STX16: variants seen among roughly 807,000 people sequenced by gnomAD.
STX16 encodes syntaxin 16.
In STX16, 28 loss-of-function variants were observed where a neutral mutation model predicts 42.7. That is an observed-to-expected ratio of 0.66 (90% CI 0.49 to 0.90). The LOEUF is 0.90. Among genes scored for constraint, STX16 ranks in the 40% least tolerant of loss-of-function variants. STX16 has a pLI of 0.00. For missense variants in STX16, 361 were observed against 420.9 expected (o/e 0.86, Z 1.24); for synonymous variants, 156 against 155.2 (o/e 1.00, Z -0.04).
rs750014263 is a variant in STX16, at chr20:58,678,278, A to G, written c.*1987A>G. 2.0e-5 allele frequency: 3 copies of G among 151,908 alleles called. No individual in the cohort carries two copies. Among genetic ancestry groups the G allele is most frequent in the Non-Finnish European group, 4.4e-5 (3 of 67,984 alleles). 9.4% of individuals were successfully genotyped at this position (151,908 alleles called of 1,614,324 possible). A position where few individuals can be genotyped will look rare whatever the true frequency, so the allele number is the denominator to read the frequency against. On this transcript the variant is annotated 3_prime_UTR_variant, in exon 9 of 9. Coordinates refer to ENST00000371141, the MANE Select transcript of STX16 (RefSeq NM_001001433.3). ...GAGAGGATCATCTTTTTTTATATTT[A>G]TTTTCACCAAATAGGGTGATGAGGG...
rs1312246423 is a variant in STX16 at position 58,679,330 on chromosome 20, TA to T, written c.*3043del. 1.3e-5 allele frequency: 2 copies of T among 152,688 alleles called. No individual in the cohort carries two copies. Among genetic ancestry groups the T allele is most frequent in the Admixed American group, 6.5e-5 (1 of 15,292 alleles). The allele number at this position is 152,688 out of a possible 1,614,324, so 9.5% of individuals were successfully genotyped here. The stretch of plus-strand genomic sequence containing the variant: ...CTAGCTAATGGCTTCTTAAAGGTAA[TA>T]AAACCCTTCCAACGTAATTGGTCAG... On this transcript the variant is annotated 3_prime_UTR_variant, in exon 9 of 9. Transcript: ENST00000371141.
At chr20:58,655,027 T>TA (rs1359292992) in intron 1 of STX16, among the ~76,000 whole-genome samples, 2 of 152,194 alleles carry the variant, frequency 1.3e-5, no homozygotes, top group African/African-American at 4.8e-5. Context: ...AATTTGTAAA[T>TA]ACATGTCTAA....
chr20:58,666,837 A>G (rs1452432076), intron 2 of STX16, among the ~76,000 whole-genome samples: 3 of 152,242 alleles, frequency 2.0e-5, no homozygotes, highest in African/African-American at 4.8e-5. Flanking sequence ...CCCTGTGGAC[A>G]TTTAACTGAA....
At position 58,678,977 on chromosome 20, in the gene STX16, GC is replaced by G; in HGVS notation, c.*2687del. 6.6e-6 allele frequency: 1 copy of G among 152,370 alleles called. No individual in the cohort carries two copies. The highest frequency in any genetic ancestry group is 1.9e-4 in the East Asian group (1 of 5,182). The allele number at this position is 152,370 out of a possible 1,614,324, so 9.4% of individuals were successfully genotyped here. On this transcript the variant is annotated 3_prime_UTR_variant, in exon 9 of 9. Coordinates refer to ENST00000371141, the MANE Select transcript of STX16 (RefSeq NM_001001433.3). Reference sequence around the variant, plus strand: ...GCCCTCTGAGAGGAGGCCTAGCAGGGCAGGCTCCCTCTGGGCATCCCTGGAT... The same window carrying G: ...GCCCTCTGAGAGGAGGCCTAGCAGGGAGGCTCCCTCTGGGCATCCCTGGAT...
At chr20:58,665,454 G>A (rs1221559500) in intron 2 of STX16, among the ~76,000 whole-genome samples, 1 of 152,150 alleles carries the variant, frequency 6.6e-6, no homozygotes, top group African/African-American at 2.4e-5. Context: ...GGTTTCTGGA[G>A]TCAGCCGACC....
intron 8 of STX16, 78 bp downstream of exon 8, chr20:58,673,789 A>G: frequency 9.6e-7 from 1 of 1,037,882 alleles, no homozygotes; most frequent in Non-Finnish European, 1.5e-6. Flanking sequence ...GTTCTTTTCC[A>G]CCATAACGAT....
chr20:58,651,966 G>T lies in STX16; in HGVS notation c.-41G>T. 1.2e-6 allele frequency: 2 copies of T among 1,606,780 alleles called. No homozygotes were observed. The highest frequency in any genetic ancestry group is 1.7e-6 in the Non-Finnish European group (2 of 1,173,790). On this transcript the variant is annotated 5_prime_UTR_variant, in exon 1 of 9. Transcript: ENST00000371141. Reference sequence around the variant, plus strand: ...AAGTGAATAAATCAGGAATATAAGTGGGCGGGGGGCCCCTGAGAGGGGGGT... The same window carrying T: ...AAGTGAATAAATCAGGAATATAAGTTGGCGGGGGGCCCCTGAGAGGGGGGT...
At position 58,660,786 on chromosome 20, in the gene STX16, C is replaced by G. The variant is rs182957442; in HGVS notation, c.144+1152C>G. On this transcript the variant is annotated intron_variant, in intron 2 of 8. Transcript: ENST00000371141. ...ATGCTTGTGTGTGCTTAAAAAATTCCTGAAAAGATACACAAGAAACTGTTA... is the reference window on the plus strand; with the variant it reads ...ATGCTTGTGTGTGCTTAAAAAATTCGTGAAAAGATACACAAGAAACTGTTA... Among the ~76,000 whole-genome samples the G allele has an allele frequency of 1.9e-3, 257 of 134,830 alleles. 1 individual carries two copies. The highest frequency in any genetic ancestry group is 6.9e-3 in the African/African-American group (252 of 36,494). The allele number at this position is 134,830 out of a possible 152,430, so 88.5% of individuals were successfully genotyped here. A position where few individuals can be genotyped will look rare whatever the true frequency, so the allele number is the denominator to read the frequency against.
intron 7 of STX16, among the ~76,000 whole-genome samples, chr20:58,672,510 C>A (rs1291764808): frequency 6.6e-6 from 1 of 151,890 alleles, no homozygotes; most frequent in Non-Finnish European, 1.5e-5. Flanking sequence ...AAAAAAAAAT[C>A]CCAAATCCAA....
rs1263137988 is a variant in STX16, at chr20:58,677,954, T to C, written c.*1663T>C. 1 of 152,206 alleles carries C rather than the reference T, an allele frequency of 6.6e-6. No homozygotes were observed. The highest frequency in any genetic ancestry group is 1.9e-4 in the East Asian group (1 of 5,200). 9.4% of individuals were successfully genotyped at this position (152,206 alleles called of 1,614,324 possible). ...GCATTTCAGGAAGCGGACCTGGTATTCCCTGACAAACATTGCTTAGGAAAG... is the reference window on the plus strand; with the variant it reads ...GCATTTCAGGAAGCGGACCTGGTATCCCCTGACAAACATTGCTTAGGAAAG... On this transcript the variant is annotated 3_prime_UTR_variant, in exon 9 of 9. Coordinates refer to ENST00000371141, the MANE Select transcript of STX16 (RefSeq NM_001001433.3).
intron 2 of STX16, among the ~76,000 whole-genome samples, chr20:58,666,492 G>A (rs753469269): frequency 3.5e-5 from 5 of 143,604 alleles, no homozygotes; most frequent in South Asian, 2.2e-4. Context: ...GCAATGGTAC[G>A]ATCATGGCTC....
At chr20:58,668,292 C>T (rs1228296160) in intron 4 of STX16, among the ~76,000 whole-genome samples, 165 bp downstream of exon 4, 1 of 152,188 alleles carries the variant, frequency 6.6e-6, no homozygotes, top group Non-Finnish European at 1.5e-5. Flanking sequence ...GCGTAGGTAC[C>T]TGTGAGGCCT....
chr20:58,660,972 C>G (rs1322029583), intron 2 of STX16, among the ~76,000 whole-genome samples: 1 of 151,620 alleles, frequency 6.6e-6, no homozygotes, highest in African/African-American at 2.4e-5. Context: ...GGGTAGCTGA[C>G]TGAGCCAGGT....
At chr20:58,668,640 G>A (rs373593248) in intron 4 of STX16, among the ~76,000 whole-genome samples, 4 of 151,682 alleles carry the variant, frequency 2.6e-5, no homozygotes, top group Non-Finnish European at 5.9e-5. Context: ...GCCCTGGGGG[G>A]TTGGAATGTT....
At chr20:58,665,225 C>G (rs1222483325) in intron 2 of STX16, among the ~76,000 whole-genome samples, 2 of 152,238 alleles carry the variant, frequency 1.3e-5, no homozygotes, top group Non-Finnish European at 2.9e-5. Context: ...CTGCGCCTCT[C>G]TGTCCACGGA....
chr20:58,652,475 G>A (rs2083490652), intron 1 of STX16, among the ~76,000 whole-genome samples: 1 of 148,854 alleles, frequency 6.7e-6, no homozygotes, highest in Admixed American at 6.9e-5. Flanking sequence ...CCTTTCTGAA[G>A]CCTTTTTGTT....
At position 58,676,387 on chromosome 20, in the gene STX16, C is replaced by G. The variant is rs576804719; in HGVS notation, c.*96C>G. ...CCAGCTGCCCGCAGAGGTGCAGCCT[C>G]GAGGAATCTGAGGGCGTCGGGGCAG... On this transcript the variant is annotated 3_prime_UTR_variant, in exon 9 of 9. Transcript: ENST00000371141. 8.9e-7 allele frequency: 1 copy of G among 1,129,560 alleles called. No individual in the cohort carries two copies. Among genetic ancestry groups the G allele is most frequent in the East Asian group, 2.4e-5 (1 of 42,306 alleles). 70.0% of individuals were successfully genotyped at this position (1,129,560 alleles called of 1,614,324 possible). A position where few individuals can be genotyped will look rare whatever the true frequency, so the allele number is the denominator to read the frequency against.
In STX16 at chr20:58,657,803, G is replaced by T. The variant is rs1030234964; in HGVS notation, c.133-1820G>T. On this transcript the variant is annotated intron_variant, in intron 1 of 8. Coordinates refer to ENST00000371141, the MANE Select transcript of STX16 (RefSeq NM_001001433.3). This position sits in a 1 kb window ranked among gnomAD's most constrained non-coding sequence, Gnocchi z 4.2. ...TTTAAATAGCAGAATGGTGGGGAGG[G>T]TCTTTGAAAAGGTGACCTTAATTTA... Among the ~76,000 whole-genome samples, 1 of 152,148 alleles carries T rather than the reference G, an allele frequency of 6.6e-6. No individual in the cohort carries two copies.
chr20:58,671,100 G>A (rs1216375295), intron 6 of STX16, 54 bp from the exon 7 acceptor site: 11 of 1,522,516 alleles, frequency 7.2e-6, no homozygotes, highest in Non-Finnish European at 9.8e-6. Flanking sequence ...GTATACCATA[G>A]CTTTCCTGAG....
Sources: gnomAD v4.1 joint callset for allele counts (sites outside exome capture counted in the v4.1 genomes callset) on GRCh38, gnomAD v4.1.1 for gene constraint, Gnocchi (gnomAD v3.1) non-coding constraint, MANE v1.5 for transcripts, NCBI Gene and HGNC (gene_info 2026-07-23, HGNC 2026-07-21) for gene names.